Variants in SAP130 observed in about 807,000 individuals in gnomAD.
SAP130 encodes histone deacetylase complex subunit SAP130.
Under a neutral mutation model 103.2 loss-of-function variants are expected in SAP130, and 16 were observed. That is an observed-to-expected ratio of 0.16 (90% CI 0.10 to 0.24). The LOEUF (loss-of-function observed/expected upper bound fraction) is 0.24. Ranked by LOEUF, SAP130 falls within the 10% of genes least tolerant of loss-of-function variation. SAP130 has a pLI of 1.00. For missense variants in SAP130, 990 were observed against 1,359.7 expected, an observed-to-expected ratio of 0.73 and a Z score of 4.28; for synonymous variants, 477 against 497.0, an observed-to-expected ratio of 0.96 and a Z score of 0.53.
rs148278152 is a variant in SAP130 at position 128,002,778 on chromosome 2, C to T, written c.870-2324G>A. Among the ~76,000 whole-genome samples the T allele has an allele frequency of 1.2e-4, 19 of 152,136 alleles. No homozygotes were observed. The East Asian group carries it at 3.1e-3, about 25-fold the overall frequency. On this transcript the variant is annotated intron_variant, in intron 7 of 20. Transcript: ENST00000643581. ...AAAAACAGGAGAAAGCATGAGACAT[C>T]GTGTATCAAAAACAATAAAGTACTC...
At chr2:127,981,084 C>T (rs182280621) in intron 14 of SAP130, among the ~76,000 whole-genome samples, 2 of 152,030 alleles carry the variant, frequency 1.3e-5, no homozygotes, top group South Asian at 2.1e-4. Context: ...CTTCCCCTCC[C>T]ACAGGCCTTA....
Position 127,941,651 on chromosome 2 carries a change from G to A in SAP130, c.*355C>T. On this transcript the variant is annotated 3_prime_UTR_variant, in exon 21 of 21. Coordinates refer to ENST00000643581, the MANE Select transcript of SAP130 (RefSeq NM_001330301.2). ...GATACTTTCAGTCCAGGCTCAGTAT[G>A]GGGCCTGCAGGAATCCACTAGATAA... 4.1e-6 allele frequency: 1 copy of A among 242,634 alleles called. No homozygotes were observed. Among genetic ancestry groups the A allele is most frequent in the Non-Finnish European group, 7.8e-6 (1 of 127,488 alleles). 15.0% of individuals were successfully genotyped at this position (242,634 alleles called of 1,614,324 possible).
chr2:128,001,239 C>T (rs1683537473), intron 7 of SAP130, among the ~76,000 whole-genome samples: 1 of 152,222 alleles, frequency 6.6e-6, no homozygotes, highest in Admixed American at 6.5e-5. Context: ...ACAAAGTTGG[C>T]TATTCAAATC....
chr2:127,958,681 A>C (rs985434867), intron 15 of SAP130, among the ~76,000 whole-genome samples: 91 of 121,616 alleles, frequency 7.5e-4, no homozygotes, highest in Middle Eastern at 5.5e-3. Context: ...AGAGAGAGAG[A>C]GAGAATCTCT....
intron 5 of SAP130, among the ~76,000 whole-genome samples, chr2:128,013,482 T>C (rs1444641535): frequency 6.6e-6 from 1 of 152,152 alleles, no homozygotes; most frequent in Admixed American, 6.6e-5. Flanking sequence ...CACTTTGCCT[T>C]CCAGTCTTTG....
intron 15 of SAP130, among the ~76,000 whole-genome samples, chr2:127,959,069 C>T (rs1475549925): frequency 1.3e-5 from 2 of 152,142 alleles, no homozygotes; most frequent in Non-Finnish European, 2.9e-5. Context: ...ATTCCTCCCA[C>T]AAAGTATAGC....
rs915461094 is a variant in SAP130, at chr2:127,955,974, G to C, written c.2064-630C>G. Among the ~76,000 whole-genome samples, 1 of 152,092 alleles carries C rather than the reference G, an allele frequency of 6.6e-6. No homozygotes were observed. The highest frequency in any genetic ancestry group is 2.4e-5 in the African/African-American group (1 of 41,422). Reference sequence around the variant, plus strand: ...CACAACCAATTTTCATAATATTAATGTATCTTTTCTCCCAGAATTCCTTAA... The same window carrying C: ...CACAACCAATTTTCATAATATTAATCTATCTTTTCTCCCAGAATTCCTTAA... On this transcript the variant is annotated intron_variant, in intron 15 of 20. Coordinates refer to ENST00000643581, the MANE Select transcript of SAP130 (RefSeq NM_001330301.2). The surrounding 1 kb of genome is among the most constrained non-coding windows in gnomAD (Gnocchi z 4.9).
chr2:127,948,041 T>G (rs1429455476), intron 18 of SAP130, among the ~76,000 whole-genome samples: 1 of 152,104 alleles, frequency 6.6e-6, no homozygotes, highest in Non-Finnish European at 1.5e-5. Context: ...CCAGCCATCT[T>G]GGCCTCCCAA....
chr2:127,961,939 G>A (rs1680286422), intron 15 of SAP130, among the ~76,000 whole-genome samples: 1 of 152,158 alleles, frequency 6.6e-6, no homozygotes, highest in Non-Finnish European at 1.5e-5. Flanking sequence ...GGAGCAGCAA[G>A]CCAGCTATCT....
chr2:127,995,584 C>T (rs1026645127), intron 11 of SAP130, among the ~76,000 whole-genome samples: 2 of 152,128 alleles, frequency 1.3e-5, no homozygotes, highest in African/African-American at 2.4e-5. Context: ...ATAGACAACA[C>T]GTTAGAAAAA....
intron 16 of SAP130, among the ~76,000 whole-genome samples, chr2:127,952,090 A>G (rs1177285899): frequency 6.6e-6 from 1 of 152,184 alleles, no homozygotes. Flanking sequence ...TTTCTCCTGC[A>G]TCATCAATTC....
intron 6 of SAP130, among the ~76,000 whole-genome samples, chr2:128,010,884 A>C (rs1684342468): frequency 6.6e-6 from 1 of 151,786 alleles, no homozygotes; most frequent in African/African-American, 2.4e-5. Flanking sequence ...AAAGAAAAAA[A>C]AAAAAGACTA....
intron 10 of SAP130, 93 bp downstream of exon 10, chr2:127,999,648 T>C: frequency 1.8e-6 from 1 of 555,362 alleles, no homozygotes; most frequent in Non-Finnish European, 3.0e-6. Context: ...TCAACAATGG[T>C]AAAAATCAAT....
rs766763706 is a variant in SAP130 at position 127,989,224 on chromosome 2, G to T, written c.1780+340C>A. On this transcript the variant is annotated intron_variant, in intron 13 of 20. Coordinates refer to ENST00000643581, the MANE Select transcript of SAP130 (RefSeq NM_001330301.2). This position sits in a 1 kb window ranked among gnomAD's most constrained non-coding sequence, Gnocchi z 4.6. ...CGCCATTCTCTCGCCTCAGCCTCCCGAGTAGCTAGGACTACAGGCCCCCGC... is the reference window on the plus strand; with the variant it reads ...CGCCATTCTCTCGCCTCAGCCTCCCTAGTAGCTAGGACTACAGGCCCCCGC... 6.6e-6 allele frequency among the ~76,000 whole-genome samples: 1 copy of T among 151,218 alleles called. No homozygotes were observed. Among genetic ancestry groups the T allele is most frequent in the African/African-American group, 2.4e-5 (1 of 41,122 alleles).
chr2:128,013,963 C>A (rs9283457), intron 5 of SAP130, among the ~76,000 whole-genome samples: 2 of 152,192 alleles, frequency 1.3e-5, no homozygotes, highest in Non-Finnish European at 2.9e-5. Flanking sequence ...AAGATCATCA[C>A]TGAACTTTAA....
chr2:128,022,055 T>C (rs1030637479), intron 2 of SAP130, among the ~76,000 whole-genome samples: 2 of 152,242 alleles, frequency 1.3e-5, no homozygotes, highest in African/African-American at 2.4e-5. Context: ...ACAATCATGA[T>C]ACAGATCATT....
At chr2:127,995,424 C>CA (rs1259664340) in intron 11 of SAP130, among the ~76,000 whole-genome samples, 1 of 151,930 alleles carries the variant, frequency 6.6e-6, no homozygotes, top group African/African-American at 2.4e-5. Context: ...ATGTGAGCAC[C>CA]AAAATAGATG....
At chr2:127,959,766 G>T (rs1219076011) in intron 15 of SAP130, among the ~76,000 whole-genome samples, 1 of 152,014 alleles carries the variant, frequency 6.6e-6, no homozygotes, top group Non-Finnish European at 1.5e-5. Context: ...ATAAATATGT[G>T]TTAATATGCA....
intron 10 of SAP130, among the ~76,000 whole-genome samples, chr2:127,997,409 A>T (rs1683248544): frequency 6.6e-6 from 1 of 152,242 alleles, no homozygotes. Context: ...ATTAACAAAG[A>T]GACTAGACTA....
Sources: allele counts gnomAD v4.1 joint callset (sites outside exome capture counted in the v4.1 genomes callset), GRCh38; gene constraint gnomAD v4.1.1; non-coding constraint Gnocchi (gnomAD v3.1); transcripts MANE v1.5; gene names NCBI Gene and HGNC (gene_info 2026-07-23, HGNC 2026-07-21).